MAGI2: variants seen among roughly 807,000 people sequenced by gnomAD.
MAGI2 encodes membrane-associated guanylate kinase, WW and PDZ domain-containing protein 2.
A neutral mutation model predicts 133.3 loss-of-function variants in MAGI2; 35 were observed. The ratio of observed to expected loss-of-function variants is 0.26; its 90% CI spans 0.20 to 0.35. The LOEUF (loss-of-function observed/expected upper bound fraction) is 0.35. Among genes scored for constraint, MAGI2 ranks in the 10% least tolerant of loss-of-function variants. The pLI is 1.00. For synonymous variants in MAGI2, 729 were observed against 710.6 expected (o/e 1.03, Z -0.41); for missense variants, 1,636 against 1,863.4 (o/e 0.88, Z 2.25).
chr7:79,097,596 G>C (rs1817628849), intron 1 of MAGI2, among the ~76,000 whole-genome samples: 1 of 152,114 alleles, frequency 6.6e-6, no homozygotes, highest in African/African-American at 2.4e-5. Flanking sequence ...AGATAACAGA[G>C]GCTAAGAGAA....
chr7:79,197,344 C>T (rs925803323), intron 1 of MAGI2, among the ~76,000 whole-genome samples: 4 of 151,936 alleles, frequency 2.6e-5, no homozygotes, highest in Admixed American at 1.3e-4. Context: ...ACTGTAAAGA[C>T]CATAAGCTTA....
chr7:78,994,520 T>C (rs1806096313), intron 2 of MAGI2, among the ~76,000 whole-genome samples: 1 of 152,096 alleles, frequency 6.6e-6, no homozygotes, highest in Admixed American at 6.6e-5. Flanking sequence ...TAGATACACG[T>C]TCATGTAGTC....
intron 20 of MAGI2, among the ~76,000 whole-genome samples, chr7:78,115,970 C>T (rs1390643080): frequency 1.3e-5 from 2 of 152,102 alleles, no homozygotes; most frequent in Non-Finnish European, 2.9e-5. Context: ...AAACCTTATC[C>T]AATGAACAAA....
At chr7:78,512,457 G>A (rs551119957) in intron 4 of MAGI2, among the ~76,000 whole-genome samples, 2 of 152,186 alleles carry the variant, frequency 1.3e-5, no homozygotes, top group African/African-American at 2.4e-5. Context: ...CCAGGCTGGA[G>A]TGTAGTGGTG....
At chr7:78,489,738 A>G (rs1434571474) in intron 6 of MAGI2, 23 bp downstream of exon 6, 1 of 1,567,540 alleles carries the variant, frequency 6.4e-7, no homozygotes, top group African/African-American at 1.4e-5. Context: ...TTGCTGAAAC[A>G]CCATAAAAAC....
chr7:78,345,913 G>T lies in MAGI2; in HGVS notation c.1225+9C>A. ...CCTTTGAAACATCACATGCTGACAG[G>T]TATCATACCTCGGAAACCTGGGGCC... On this transcript the variant is annotated intron_variant, in intron 8 of 21. Transcript: ENST00000354212. 2 of 1,613,834 alleles carry T rather than the reference G, an allele frequency of 1.2e-6. No individual in the cohort carries two copies. The highest frequency in any genetic ancestry group is 1.3e-5 in the African/African-American group (1 of 75,000).
intron 21 of MAGI2, chr7:78,072,769 T>C: frequency 2.5e-6 from 1 of 396,628 alleles, no homozygotes; most frequent in East Asian, 3.6e-5. Flanking sequence ...CATTCTCAAC[T>C]TCCTGTGCTT....
intron 1 of MAGI2, among the ~76,000 whole-genome samples, chr7:79,402,476 A>ATTACT (rs1194766505): frequency 6.6e-6 from 1 of 152,168 alleles, no homozygotes; most frequent in Non-Finnish European, 1.5e-5. Flanking sequence ...TTTAAACAAT[A>ATTACT]TTACTTTCCA....
At chr7:78,900,598 T>C (rs1797549467) in intron 2 of MAGI2, among the ~76,000 whole-genome samples, 1 of 152,206 alleles carries the variant, frequency 6.6e-6, no homozygotes, top group Non-Finnish European at 1.5e-5. Context: ...ATCTCAGAGA[T>C]GTTTATGATC....
In MAGI2 at chr7:79,321,245, T is replaced by C. The variant is rs532752449; in HGVS notation, c.301+131775A>G. 1.1e-4 allele frequency among the ~76,000 whole-genome samples: 17 copies of C among 152,284 alleles called. No individual in the cohort carries two copies. The East Asian group carries it at 3.3e-3, about 29-fold the overall frequency. ...TACATTTTACTAATTTTTCATTTCA[T>C]AGCAAGAACCTACTTTCAATGTTTG... On this transcript the variant is annotated intron_variant, in intron 1 of 21. Transcript: ENST00000354212.
At chr7:78,418,003 G>T (rs1287902641) in intron 6 of MAGI2, among the ~76,000 whole-genome samples, 2 of 152,108 alleles carry the variant, frequency 1.3e-5, no homozygotes, top group African/African-American at 2.4e-5. Flanking sequence ...TTTGAGTTAA[G>T]GGTATACTTG....
intron 1 of MAGI2, among the ~76,000 whole-genome samples, chr7:79,028,235 G>GTATATATCTATATATA (rs1554336343): frequency 3.4e-5 from 1 of 29,332 alleles, no homozygotes; most frequent in African/African-American, 9.2e-5. Flanking sequence ...ATATATGTAT[G>GTATATATCTATATATA]TATATATATA....
chr7:78,652,106 G>C (rs1413333957), intron 2 of MAGI2, among the ~76,000 whole-genome samples: 1 of 152,108 alleles, frequency 6.6e-6, no homozygotes, highest in Non-Finnish European at 1.5e-5. Flanking sequence ...ATTGTTCCAG[G>C]TAATGGGGAG....
At chr7:78,435,137 G>A (rs1800158367) in intron 6 of MAGI2, among the ~76,000 whole-genome samples, 1 of 152,066 alleles carries the variant, frequency 6.6e-6, no homozygotes, top group Admixed American at 6.6e-5. Context: ...TCTATAAATG[G>A]GGGTAATCTA....
chr7:78,327,311 T>A lies in MAGI2; in HGVS notation c.1408+16467A>T, dbSNP rs1788685694. Among the ~76,000 whole-genome samples, 5 of 152,180 alleles carry A rather than the reference T, an allele frequency of 3.3e-5. No homozygotes were observed. In the South Asian group the frequency reaches 1.0e-3, roughly 32 times the overall value. ...TGGCTTCATTGCCATGTCTTCTGTCTCTCCTGCCATCTCTCTCCAATTCAC... is the reference window on the plus strand; with the variant it reads ...TGGCTTCATTGCCATGTCTTCTGTCACTCCTGCCATCTCTCTCCAATTCAC... On this transcript the variant is annotated intron_variant, in intron 9 of 21. Coordinates refer to ENST00000354212, the MANE Select transcript of MAGI2 (RefSeq NM_012301.4).
At chr7:78,765,090 AG>A (rs1328523780) in intron 2 of MAGI2, among the ~76,000 whole-genome samples, 2 of 152,190 alleles carry the variant, frequency 1.3e-5, no homozygotes, top group Non-Finnish European at 2.9e-5. Context: ...TGATATGGGT[AG>A]TAAATTTCTT....
chr7:78,690,846 T>C (rs1204758915), intron 2 of MAGI2, among the ~76,000 whole-genome samples: 1 of 152,194 alleles, frequency 6.6e-6, no homozygotes, highest in Non-Finnish European at 1.5e-5. Flanking sequence ...ACTCAGCAGA[T>C]GAGCAAGTAG....
intron 2 of MAGI2, among the ~76,000 whole-genome samples, chr7:78,727,602 T>C (rs1820942444): frequency 6.6e-6 from 1 of 152,180 alleles, no homozygotes; most frequent in South Asian, 2.1e-4. Context: ...CTGAAGTATA[T>C]ACATCAAATA....
intron 4 of MAGI2, among the ~76,000 whole-genome samples, chr7:78,510,729 C>G (rs905012927): frequency 2.6e-5 from 4 of 152,138 alleles, no homozygotes; most frequent in Admixed American, 6.5e-5. Flanking sequence ...TTCAAGTTCT[C>G]TATTATGTTC....
Sources: allele counts gnomAD v4.1 joint callset (sites outside exome capture counted in the v4.1 genomes callset), GRCh38; gene constraint gnomAD v4.1.1; transcripts MANE v1.5; gene names NCBI Gene and HGNC (gene_info 2026-07-23, HGNC 2026-07-21).